Variants in PSMD1 observed in about 807,000 individuals in gnomAD.
PSMD1 encodes proteasome 26S subunit, non-ATPase 1.
A neutral mutation model predicts 119.0 loss-of-function variants in PSMD1; 18 were observed. The observed-to-expected ratio is 0.15, with a 90% CI of 0.10 to 0.22. The LOEUF (loss-of-function observed/expected upper bound fraction) is 0.22, where lower values mean the gene tolerates loss of function less well. Among genes scored for constraint, PSMD1 ranks in the 10% least tolerant of loss-of-function variants. The pLI is 1.00. For synonymous variants in PSMD1, 374 were observed against 396.6 expected, an observed-to-expected ratio of 0.94 and a Z score of 0.68; for missense variants, 702 against 1,158.5, an observed-to-expected ratio of 0.61 and a Z score of 5.72.
chr2:231,059,687 C>T (rs981417262), intron 1 of PSMD1, among the ~76,000 whole-genome samples: 70 of 152,212 alleles, frequency 4.6e-4, no homozygotes, highest in African/African-American at 1.5e-3. Flanking sequence ...TCTTCTGGAA[C>T]ATACCTCCGT....
intron 5 of PSMD1, among the ~76,000 whole-genome samples, chr2:231,067,621 C>T (rs1312621830): frequency 6.6e-5 from 10 of 152,196 alleles, no homozygotes; most frequent in East Asian, 3.9e-4. Flanking sequence ...AACCCTGCCT[C>T]GTTCCCCCTT....
chr2:231,113,840 C>T, intron 16 of PSMD1: 3 of 1,614,082 alleles, frequency 1.9e-6, no homozygotes, highest in Non-Finnish European at 1.7e-6. Context: ...ACTGAAATGG[C>T]ACAGAGATGC....
At chr2:231,094,625 G>A (rs1694682400) in intron 16 of PSMD1, among the ~76,000 whole-genome samples, 1 of 152,166 alleles carries the variant, frequency 6.6e-6, no homozygotes, top group South Asian at 2.1e-4. Context: ...TCCAGAATGA[G>A]TAAGGGAATT....
intron 18 of PSMD1, among the ~76,000 whole-genome samples, chr2:231,148,631 T>C (rs1053829992): frequency 6.6e-6 from 1 of 152,338 alleles, no homozygotes; most frequent in African/African-American, 2.4e-5. Flanking sequence ...TATATACCAC[T>C]GACTAAAAAA....
chr2:231,077,809 C>T (rs1694204542), intron 9 of PSMD1, among the ~76,000 whole-genome samples: 1 of 151,990 alleles, frequency 6.6e-6, no homozygotes, highest in African/African-American at 2.4e-5. Flanking sequence ...TTTTTATAGC[C>T]ATATATTATT....
intron 16 of PSMD1, among the ~76,000 whole-genome samples, chr2:231,122,244 A>C (rs1249496264): frequency 6.6e-6 from 1 of 152,098 alleles, no homozygotes; most frequent in Non-Finnish European, 1.5e-5. Context: ...GCCCAGGTAA[A>C]TGTTGATTTA....
chr2:231,070,228 C>T, intron 6 of PSMD1, 60 bp downstream of exon 6: 1 of 1,236,096 alleles, frequency 8.1e-7, no homozygotes, highest in Non-Finnish European at 1.0e-6. Context: ...CTATGCTATA[C>T]CACTTCACAT....
intron 16 of PSMD1, chr2:231,108,705 G>A (rs763786880): frequency 6.2e-7 from 1 of 1,614,092 alleles, no homozygotes; most frequent in Non-Finnish European, 8.5e-7. Flanking sequence ...TCTGCCATTG[G>A]ATTCCGGAAG....
At chr2:231,119,461 A>G (rs1051975913) in intron 16 of PSMD1, among the ~76,000 whole-genome samples, 3 of 152,214 alleles carry the variant, frequency 2.0e-5, no homozygotes, top group Non-Finnish European at 2.9e-5. Flanking sequence ...CGGGAGAACC[A>G]GGATTCAGAC....
intron 16 of PSMD1, among the ~76,000 whole-genome samples, chr2:231,121,426 TA>T (rs1298174652): frequency 1.3e-5 from 2 of 152,172 alleles, no homozygotes; most frequent in South Asian, 4.1e-4. Flanking sequence ...GAAATAATAT[TA>T]AAATGTCTAT....
In PSMD1 at chr2:231,170,521, G is replaced by T; in HGVS notation, c.2716-45G>T. On this transcript the variant is annotated intron_variant, in intron 23 of 24. Transcript: ENST00000308696. This position sits in a 1 kb window ranked among gnomAD's most constrained non-coding sequence, Gnocchi z 4.1. ...GTATTTACTCTAGATTGTGGAGCAC[G>T]CTTGAAATATGAGTGTACGCTTCTG... 1 of 1,505,652 alleles carries T rather than the reference G, an allele frequency of 6.6e-7. No individual in the cohort carries two copies. The highest frequency in any genetic ancestry group is 1.4e-5 in the African/African-American group (1 of 70,746). The allele number at this position is 1,505,652 out of a possible 1,614,324, so 93.3% of individuals were successfully genotyped here. A position where few individuals can be genotyped will look rare whatever the true frequency, so the allele number is the denominator to read the frequency against.
chr2:231,150,005 G>GA (rs1214698810), intron 18 of PSMD1, among the ~76,000 whole-genome samples: 1 of 151,940 alleles, frequency 6.6e-6, no homozygotes, highest in Non-Finnish European at 1.5e-5. Flanking sequence ...GGGAGCATAG[G>GA]AAAAAAATTA....
At chr2:231,101,112 CA>C (rs1334760824) in intron 16 of PSMD1, among the ~76,000 whole-genome samples, 1 of 152,150 alleles carries the variant, frequency 6.6e-6, no homozygotes, top group African/African-American at 2.4e-5. Context: ...ATTTGTTTAG[CA>C]CAGATTTAAT....
intron 18 of PSMD1, among the ~76,000 whole-genome samples, chr2:231,148,917 CAG>C (rs886826167): frequency 1.4e-4 from 22 of 152,246 alleles, no homozygotes; most frequent in Non-Finnish European, 2.9e-4. Context: ...CTCAAGGCTA[CAG>C]AGTCTTAATT....
chr2:231,149,339 A>C (rs111502883), intron 18 of PSMD1, among the ~76,000 whole-genome samples: 126 of 152,270 alleles, frequency 8.3e-4, no homozygotes, highest in African/African-American at 3.0e-3. Flanking sequence ...CTCTTTATTA[A>C]ATTATCTATC....
intron 16 of PSMD1, among the ~76,000 whole-genome samples, chr2:231,096,148 G>A (rs1221329281): frequency 2.0e-5 from 3 of 152,222 alleles, no homozygotes; most frequent in East Asian, 3.9e-4. Flanking sequence ...TAAAATAAAT[G>A]GGTTCATGTA....
intron 16 of PSMD1, among the ~76,000 whole-genome samples, chr2:231,088,359 G>A (rs1694506441): frequency 1.3e-5 from 2 of 152,112 alleles, no homozygotes; most frequent in Non-Finnish European, 2.9e-5. Flanking sequence ...TTGTTTTACT[G>A]CACTTTGCTT....
chr2:231,073,731 A>T (rs1021187602), intron 7 of PSMD1, among the ~76,000 whole-genome samples: 2 of 151,966 alleles, frequency 1.3e-5, no homozygotes, highest in Non-Finnish European at 2.9e-5. Context: ...ATGTTCTTAT[A>T]TCCCTAAGTA....
chr2:231,144,866 T>C (rs1437695847), intron 17 of PSMD1, among the ~76,000 whole-genome samples: 1 of 152,230 alleles, frequency 6.6e-6, no homozygotes, highest in Admixed American at 6.5e-5. Context: ...TTGTTTGTTT[T>C]AGGAGTAAGA....
Sources: allele counts gnomAD v4.1 joint callset (sites outside exome capture counted in the v4.1 genomes callset), GRCh38; gene constraint gnomAD v4.1.1; non-coding constraint Gnocchi (gnomAD v3.1); transcripts MANE v1.5; gene names NCBI Gene and HGNC (gene_info 2026-07-23, HGNC 2026-07-21).